Variants in ROR2 observed in about 807,000 individuals in gnomAD.
The protein encoded by ROR2 is ROR family WNT receptor 2.
In ROR2, 33 loss-of-function variants were observed where a neutral mutation model predicts 74.9. That is an observed-to-expected ratio of 0.44 (90% confidence interval 0.33 to 0.59). ROR2 has a LOEUF of 0.59. Ranked by LOEUF, ROR2 falls within the 20% of genes least tolerant of loss-of-function variation. The probability of loss-of-function intolerance (pLI) is 0.02; values close to 1 mark genes in which losing one functional copy is unlikely to be tolerated. For synonymous variants in ROR2, 586 were observed against 558.7 expected (o/e 1.05, Z -0.69); for missense variants, 1,216 against 1,313.8 (o/e 0.93, Z 1.15).
rs752527875 is a variant in ROR2, at chr9:91,733,235, G to C, written c.824C>G (p.Pro275Arg). 4 of 1,612,666 alleles carry C rather than the reference G, an allele frequency of 2.5e-6. No individual in the cohort carries two copies. In the South Asian group the frequency reaches 4.4e-5, roughly 18 times the overall value. The change falls in exon 6 of 9, where the codon CCG becomes CGG. Residue 275 changes from proline to arginine, a missense_variant. By Grantham distance (103) the Pro-to-Arg change is moderately radical. Coordinates refer to ENST00000375708, the MANE Select transcript of ROR2 (RefSeq NM_004560.4). The surrounding 1 kb of genome is among the most constrained non-coding windows in gnomAD (Gnocchi z 5.7). ...CAGCTGAAGCCGCATGAGGATGAGCGGGTTGGAGCGGGCGATGGTGTACTC... is the reference window on the plus strand; with the variant it reads ...CAGCTGAAGCCGCATGAGGATGAGCCGGTTGGAGCGGGCGATGGTGTACTC... The part of the protein sequence containing the change: ...RQEYTIARSN[P>R]LILMRLQLPK...
At position 91,733,202 on chromosome 9, in the gene ROR2, C is replaced by G; in HGVS notation, c.857G>C (p.Cys286Ser). ...LILMRLQLPK[C>S]EALPMPESPD... ...GCTCTCAGGCATGGGCAGCGCCTCA[C>G]ACTTGGGCAGCTGAAGCCGCATGAG... Residue 286 changes from cysteine to serine, a missense_variant, in exon 6 of 9, where the codon TGT (cysteine) becomes TCT (serine). Physicochemically the swap from Cys to Ser is moderately radical, Grantham distance 112. Coordinates refer to ENST00000375708, the MANE Select transcript of ROR2 (RefSeq NM_004560.4). The surrounding 1 kb of genome is among the most constrained non-coding windows in gnomAD (Gnocchi z 5.7). 6.2e-7 allele frequency: 1 copy of G among 1,611,618 alleles called. No individual in the cohort carries two copies. Among genetic ancestry groups the G allele is most frequent in the Non-Finnish European group, 8.5e-7 (1 of 1,179,422 alleles).
chr9:91,941,755 C>T (rs552361438), intron 1 of ROR2, among the ~76,000 whole-genome samples: 28 of 151,142 alleles, frequency 1.9e-4, no homozygotes, highest in African/African-American at 6.8e-4. Context: ...CTCCCCACCC[C>T]GCCCAGCCCC....
intron 1 of ROR2, among the ~76,000 whole-genome samples, chr9:91,795,945 T>C (rs1224653752): frequency 6.6e-6 from 1 of 151,922 alleles, no homozygotes; most frequent in East Asian, 1.9e-4. Context: ...GGTGATGCCA[T>C]CCTCACAGTG....
chr9:91,927,545 T>C (rs1382210278), intron 1 of ROR2, among the ~76,000 whole-genome samples: 1 of 149,702 alleles, frequency 6.7e-6, no homozygotes, highest in Non-Finnish European at 1.5e-5. Flanking sequence ...TGTGGCTGGC[T>C]CTGTGTTTTC....
At chr9:91,844,633 G>GAACT (rs553622468) in intron 1 of ROR2, among the ~76,000 whole-genome samples, 354 of 152,292 alleles carry the variant, frequency 2.3e-3, no homozygotes, top group Non-Finnish European at 3.5e-3. Flanking sequence ...TTGTCCTAAA[G>GAACT]AACTGCAGCC....
At chr9:91,897,681 C>G (rs965325061) in intron 1 of ROR2, among the ~76,000 whole-genome samples, 5 of 152,096 alleles carry the variant, frequency 3.3e-5, no homozygotes, top group Admixed American at 6.5e-5. Context: ...GGCTTCCAGG[C>G]CCAGGGGCAT....
intron 1 of ROR2, among the ~76,000 whole-genome samples, chr9:91,904,041 T>C (rs1830741593): frequency 7.9e-6 from 1 of 125,854 alleles, no homozygotes; most frequent in Non-Finnish European, 1.7e-5. Flanking sequence ...TTTTTGTTTT[T>C]GTTTTTTTTT....
At chr9:91,752,099 A>C (rs560575449) in intron 4 of ROR2, among the ~76,000 whole-genome samples, 26 of 152,348 alleles carry the variant, frequency 1.7e-4, no homozygotes, top group Non-Finnish European at 3.1e-4. Flanking sequence ...GACCACACCA[A>C]TGTTGGGAAA....
rs78002744 is a variant in ROR2 at position 91,833,828 on chromosome 9, A to C, written c.98-58010T>G. On this transcript the variant is annotated intron_variant, in intron 1 of 8. Coordinates refer to ENST00000375708, the MANE Select transcript of ROR2 (RefSeq NM_004560.4). ...AGTCCTGCTGCAAGACTCAGCTTGAAGGGATATGGAGGGAGGGACGTCCCC... is the reference window on the plus strand; with the variant it reads ...AGTCCTGCTGCAAGACTCAGCTTGACGGGATATGGAGGGAGGGACGTCCCC... Among the ~76,000 whole-genome samples, 863 of 152,244 alleles carry C rather than the reference A, an allele frequency of 5.7e-3. 11 individuals are homozygous for C. The highest frequency in any genetic ancestry group is 0.019 in the African/African-American group (801 of 41,542).
At chr9:91,906,140 T>G (rs1830809676) in intron 1 of ROR2, among the ~76,000 whole-genome samples, 1 of 152,138 alleles carries the variant, frequency 6.6e-6, no homozygotes, top group Admixed American at 6.5e-5. Flanking sequence ...GTGGCCAGGC[T>G]GTGACCACAA....
At chr9:91,788,693 CCT>C (rs1826876304) in intron 1 of ROR2, among the ~76,000 whole-genome samples, 1 of 151,828 alleles carries the variant, frequency 6.6e-6, no homozygotes, top group Non-Finnish European at 1.5e-5. Context: ...GGTGAAACCC[CCT>C]CTCTACTAAA....
At chr9:91,869,343 C>T (rs779909375) in intron 1 of ROR2, among the ~76,000 whole-genome samples, 1 of 152,204 alleles carries the variant, frequency 6.6e-6, no homozygotes, top group Non-Finnish European at 1.5e-5. Flanking sequence ...AGGCATGAGC[C>T]ACCACGGCTA....
chr9:91,891,824 A>T (rs1288333423), intron 1 of ROR2, among the ~76,000 whole-genome samples: 1 of 151,894 alleles, frequency 6.6e-6, no homozygotes, highest in Non-Finnish European at 1.5e-5. Context: ...AAGACGGGAG[A>T]ATCACTTGAG....
chr9:91,911,766 A>T (rs1257899136), intron 1 of ROR2, among the ~76,000 whole-genome samples: 1 of 152,154 alleles, frequency 6.6e-6, no homozygotes, highest in African/African-American at 2.4e-5. Context: ...TAGTTAAGAC[A>T]GGAAAAACAG....
chr9:91,775,363 C>T (rs757162839), intron 2 of ROR2, among the ~76,000 whole-genome samples: 1 of 152,194 alleles, frequency 6.6e-6, no homozygotes, highest in Non-Finnish European at 1.5e-5. Context: ...ACTGAAGCCA[C>T]AAGACAGAAT....
intron 1 of ROR2, among the ~76,000 whole-genome samples, chr9:91,903,220 A>G (rs1036315955): frequency 6.6e-6 from 1 of 152,186 alleles, no homozygotes; most frequent in Non-Finnish European, 1.5e-5. Flanking sequence ...ACATCCAGAG[A>G]GCAACAGGAT....
At chr9:91,884,324 C>T (rs952256094) in intron 1 of ROR2, among the ~76,000 whole-genome samples, 2 of 152,120 alleles carry the variant, frequency 1.3e-5, no homozygotes, top group Non-Finnish European at 2.9e-5. Context: ...TAGATCTCAA[C>T]CAGCAGGGAT....
At chr9:91,794,605 G>A (rs2119018871) in intron 1 of ROR2, among the ~76,000 whole-genome samples, 1 of 151,900 alleles carries the variant, frequency 6.6e-6, no homozygotes, top group Admixed American at 6.6e-5. Flanking sequence ...TTTTTCTTGA[G>A]GCAGAGTCTC....
At chr9:91,894,660 T>G (rs975425917) in intron 1 of ROR2, among the ~76,000 whole-genome samples, 1 of 152,256 alleles carries the variant, frequency 6.6e-6, no homozygotes, top group Non-Finnish European at 1.5e-5. Context: ...AAACATCAGA[T>G]GCCCTGGGCA....
Sources: gnomAD v4.1 joint callset for allele counts (sites outside exome capture counted in the v4.1 genomes callset) on GRCh38, gnomAD v4.1.1 for gene constraint, Gnocchi (gnomAD v3.1) non-coding constraint, MANE v1.5 for transcripts, NCBI Gene and HGNC (gene_info 2026-07-23, HGNC 2026-07-21) for gene names.